LRBA: variants seen among roughly 807,000 people sequenced by gnomAD.
LRBA encodes LPS responsive beige-like anchor protein.
LRBA carries 176 observed loss-of-function variants against 330.0 expected under a neutral mutation model. The ratio of observed to expected loss-of-function variants is 0.53; its 90% CI spans 0.47 to 0.60. The LOEUF (loss-of-function observed/expected upper bound fraction) is 0.60. Ranked by LOEUF, LRBA falls within the 20% of genes least tolerant of loss-of-function variation. The pLI is 0.00. For missense variants in LRBA, 3,259 were observed against 3,444.8 expected (o/e 0.95, Z 1.35); for synonymous variants, 1,230 against 1,193.0 (o/e 1.03, Z -0.64).
chr4:150,798,017 C>G (rs188060160), intron 34 of LRBA, 64 bp downstream of exon 34: 9 of 1,052,634 alleles, frequency 8.5e-6, no homozygotes, highest in Admixed American at 5.9e-5. Flanking sequence ...AATATAAAAT[C>G]CCCCATGAAA....
chr4:150,311,872 A>G (rs1363649147), intron 51 of LRBA, among the ~76,000 whole-genome samples: 1 of 152,200 alleles, frequency 6.6e-6, no homozygotes, highest in South Asian at 2.1e-4. Flanking sequence ...ACCAACAGCA[A>G]TCAAGTATCC....
At chr4:150,715,363 T>C (rs1582128619) in intron 36 of LRBA, among the ~76,000 whole-genome samples, 1 of 152,186 alleles carries the variant, frequency 6.6e-6, no homozygotes, top group Middle Eastern at 3.2e-3. Flanking sequence ...AGTTGAGAGA[T>C]GGCAGTAGTT....
intron 40 of LRBA, among the ~76,000 whole-genome samples, chr4:150,549,153 T>G (rs762913192): frequency 6.6e-6 from 1 of 152,032 alleles, no homozygotes; most frequent in Non-Finnish European, 1.5e-5. Flanking sequence ...TAAGAACCAC[T>G]GTTTTTCAAA....
chr4:150,792,655 G>A (rs193019369), intron 34 of LRBA, among the ~76,000 whole-genome samples: 2 of 152,250 alleles, frequency 1.3e-5, no homozygotes, highest in African/African-American at 4.8e-5. Context: ...ACAGGCACAT[G>A]CTACCAAGTT....
chr4:150,913,826 G>C (rs1402668615), intron 9 of LRBA, among the ~76,000 whole-genome samples: 2 of 152,130 alleles, frequency 1.3e-5, no homozygotes, highest in African/African-American at 4.8e-5. Context: ...TCTAATTTAA[G>C]TAAGCTACTC....
chr4:150,280,805 C>T (rs190191238), intron 55 of LRBA, among the ~76,000 whole-genome samples: 2 of 152,176 alleles, frequency 1.3e-5, no homozygotes, highest in African/African-American at 2.4e-5. Context: ...CCTCGCCTCC[C>T]GAGGTAGTGA....
chr4:150,319,838 T>C (rs547445931), intron 50 of LRBA, among the ~76,000 whole-genome samples: 1 of 152,316 alleles, frequency 6.6e-6, no homozygotes, highest in Non-Finnish European at 1.5e-5. Flanking sequence ...TTCTGTTCCC[T>C]TGTGAAAGCT....
At chr4:150,787,049 T>C (rs1445074335) in intron 34 of LRBA, among the ~76,000 whole-genome samples, 1 of 152,142 alleles carries the variant, frequency 6.6e-6, no homozygotes, top group Non-Finnish European at 1.5e-5. Context: ...CTGGCCAACA[T>C]GGTGAAACCT....
intron 37 of LRBA, among the ~76,000 whole-genome samples, chr4:150,625,756 C>T (rs929838608): frequency 2.0e-5 from 3 of 151,246 alleles, no homozygotes; most frequent in Middle Eastern, 7.0e-3. Flanking sequence ...GTTGCCCAGG[C>T]TGGAGTGCAG....
chr4:150,871,751 C>T (rs1051230191), intron 18 of LRBA, among the ~76,000 whole-genome samples: 9 of 151,768 alleles, frequency 5.9e-5, no homozygotes, highest in South Asian at 2.1e-4. Flanking sequence ...ATTTATTTAA[C>T]GAAGTTGCTA....
At chr4:150,282,308 T>C in intron 55 of LRBA, 142 bp downstream of exon 55, 1 of 689,402 alleles carries the variant, frequency 1.5e-6, no homozygotes, top group Non-Finnish European at 2.5e-6. Flanking sequence ...GTCTGAGTGC[T>C]ACCTAAAGAT....
intron 42 of LRBA, among the ~76,000 whole-genome samples, chr4:150,478,415 C>T (rs1172644901): frequency 1.3e-5 from 2 of 152,308 alleles, no homozygotes; most frequent in East Asian, 1.9e-4. Flanking sequence ...GTAAATGCCA[C>T]TGAGCAGCTC....
At position 150,583,819 on chromosome 4, in the gene LRBA, C is replaced by T. The variant is rs1237121186; in HGVS notation, c.6330+4229G>A. ...GACTCTGCGGGACCGCCACCTGGAGCTACCCGGCCAGCCGCTCAACAACTA... is the reference window on the plus strand; with the variant it reads ...GACTCTGCGGGACCGCCACCTGGAGTTACCCGGCCAGCCGCTCAACAACTA... On this transcript the variant is annotated intron_variant, in intron 40 of 56. Transcript: ENST00000651943. The surrounding 1 kb of genome is among the most constrained non-coding windows in gnomAD (Gnocchi z 9.8). 6.2e-7 allele frequency: 1 copy of T among 1,614,212 alleles called. No individual in the cohort carries two copies. Among genetic ancestry groups the T allele is most frequent in the Admixed American group, 1.7e-5 (1 of 60,024 alleles).
At chr4:150,793,379 C>T (rs1265664697) in intron 34 of LRBA, among the ~76,000 whole-genome samples, 1 of 152,084 alleles carries the variant, frequency 6.6e-6, no homozygotes, top group African/African-American at 2.4e-5. Flanking sequence ...AACATAACTA[C>T]ACTATTTGGT....
At chr4:150,601,235 CAAATT>C (rs1412723447) in intron 37 of LRBA, among the ~76,000 whole-genome samples, 5 of 152,126 alleles carry the variant, frequency 3.3e-5, no homozygotes, top group African/African-American at 1.2e-4. Flanking sequence ...CATTTTGAGT[CAAATT>C]AAATGATGTC....
chr4:150,923,757 G>A (rs1308251097), intron 4 of LRBA, among the ~76,000 whole-genome samples: 4 of 152,100 alleles, frequency 2.6e-5, no homozygotes, highest in Non-Finnish European at 5.9e-5. Flanking sequence ...AAAGTGTGGG[G>A]CATTCCTCCT....
chr4:150,510,008 T>C (rs1279260350), intron 40 of LRBA, among the ~76,000 whole-genome samples: 1 of 152,126 alleles, frequency 6.6e-6, no homozygotes, highest in Non-Finnish European at 1.5e-5. Context: ...TGGTGGCACA[T>C]GCCTGTAATC....
intron 40 of LRBA, among the ~76,000 whole-genome samples, chr4:150,572,225 T>A (rs1021139068): frequency 6.6e-5 from 10 of 152,150 alleles, no homozygotes; most frequent in African/African-American, 2.4e-4. Flanking sequence ...TCTACTCCTA[T>A]TTTATTCTGA....
intron 40 of LRBA, among the ~76,000 whole-genome samples, chr4:150,502,424 G>C (rs1760403083): frequency 6.6e-6 from 1 of 152,084 alleles, no homozygotes; most frequent in Non-Finnish European, 1.5e-5. Context: ...ACACAACTAG[G>C]CAAAAATCAC....
Sources: gnomAD v4.1 joint callset for allele counts (sites outside exome capture counted in the v4.1 genomes callset) on GRCh38, gnomAD v4.1.1 for gene constraint, Gnocchi (gnomAD v3.1) non-coding constraint, MANE v1.5 for transcripts, NCBI Gene and HGNC (gene_info 2026-07-23, HGNC 2026-07-21) for gene names.